IFT57: variants seen among roughly 807,000 people sequenced by gnomAD.
IFT57 encodes the protein intraflagellar transport protein 57 homolog.
Under a neutral mutation model 56.8 loss-of-function variants are expected in IFT57, and 59 were observed. The ratio of observed to expected loss-of-function variants is 1.04; its 90% CI spans 0.84 to 1.29. IFT57 has a LOEUF of 1.29. IFT57 is among the 50% of genes most tolerant of loss of function. The probability of loss-of-function intolerance (pLI) is 0.00; values close to 1 mark genes in which losing one functional copy is unlikely to be tolerated. For synonymous variants in IFT57, 209 were observed against 186.1 expected, an observed-to-expected ratio of 1.12 and a Z score of -1.00; for missense variants, 470 against 522.1, an observed-to-expected ratio of 0.90 and a Z score of 0.97.
At chr3:108,182,090 C>G (rs1331721975) in intron 6 of IFT57, among the ~76,000 whole-genome samples, 1 of 151,942 alleles carries the variant, frequency 6.6e-6, no homozygotes, top group Non-Finnish European at 1.5e-5. Context: ...TAACTAACAA[C>G]CAGAGTATAA....
chr3:108,214,704 G>A (rs2080361029), intron 3 of IFT57, among the ~76,000 whole-genome samples: 1 of 152,114 alleles, frequency 6.6e-6, no homozygotes, highest in African/African-American at 2.4e-5. Context: ...GCATGAAAGT[G>A]ATTGAATATC....
At chr3:108,194,438 C>T (rs561980165) in intron 5 of IFT57, among the ~76,000 whole-genome samples, 149 of 151,544 alleles carry the variant, frequency 9.8e-4, no homozygotes, top group African/African-American at 3.4e-3. Context: ...TCTACAGATG[C>T]AATCCCTATA....
chr3:108,222,278 AT>A lies in IFT57; in HGVS notation c.44del (p.Asp15ValfsTer29). ...CTTCGCCACGGGACCTAGGCACCCC[AT>A]CTTCCAAACCCGACGTCGTGACGAC... Reference protein sequence around the residue: ...LAVVTTSGLEDGVPRSRGEGT... With the variant: ...LAVVTTSGLEXGVPRSRGEGT... On this transcript the variant is annotated frameshift_variant, in exon 1 of 11. Coordinates refer to ENST00000264538, the MANE Select transcript of IFT57 (RefSeq NM_018010.4). LOFTEE classifies it high-confidence loss of function. The A allele has an allele frequency of 6.2e-7, 1 of 1,613,738 alleles. No homozygotes were observed. The highest frequency in any genetic ancestry group is 8.5e-7 in the Non-Finnish European group (1 of 1,179,950).
chr3:108,190,071 A>G (rs2080206911), intron 6 of IFT57, among the ~76,000 whole-genome samples: 1 of 152,168 alleles, frequency 6.6e-6, no homozygotes, highest in Non-Finnish European at 1.5e-5. Flanking sequence ...AACAGCAGGC[A>G]TACTGGTTGT....
chr3:108,209,844 C>T (rs1353177871), intron 4 of IFT57, among the ~76,000 whole-genome samples: 4 of 152,058 alleles, frequency 2.6e-5, no homozygotes, highest in Non-Finnish European at 5.9e-5. Context: ...GGGTCTCCGG[C>T]TTGATAGCTG....
intron 6 of IFT57, among the ~76,000 whole-genome samples, chr3:108,181,083 AAC>A (rs2080149073): frequency 6.6e-6 from 1 of 152,112 alleles, no homozygotes; most frequent in African/African-American, 2.4e-5. Context: ...CTAAAGCAAA[AAC>A]AGTCATTCTC....
chr3:108,165,585 C>A, intron 8 of IFT57, 92 bp from the exon 9 acceptor site: 2 of 895,726 alleles, frequency 2.2e-6, no homozygotes, highest in South Asian at 1.3e-5. Context: ...TTCTGCAGGT[C>A]ATTTTATGAC....
chr3:108,195,792 G>A (rs976813060), intron 5 of IFT57, among the ~76,000 whole-genome samples: 48 of 152,036 alleles, frequency 3.2e-4, no homozygotes, highest in African/African-American at 9.2e-4. Context: ...GAGGTAGAGA[G>A]TAGAATGATG....
At chr3:108,177,637 A>C (rs2108312542) in intron 6 of IFT57, among the ~76,000 whole-genome samples, 1 of 149,844 alleles carries the variant, frequency 6.7e-6, no homozygotes, top group East Asian at 2.0e-4. Flanking sequence ...TGAAGAAAAA[A>C]AAATTTGAAA....
intron 5 of IFT57, among the ~76,000 whole-genome samples, chr3:108,198,839 T>C (rs552190593): frequency 6.6e-6 from 1 of 152,342 alleles, no homozygotes; most frequent in South Asian, 2.1e-4. Flanking sequence ...CAGCCTTTTC[T>C]ACAAATGGAT....
intron 6 of IFT57, among the ~76,000 whole-genome samples, chr3:108,173,839 A>G (rs2080108958): frequency 6.9e-6 from 1 of 143,948 alleles, no homozygotes; most frequent in African/African-American, 2.6e-5. Flanking sequence ...ATACAGTAAT[A>G]TTAAACATTA....
intron 6 of IFT57, among the ~76,000 whole-genome samples, chr3:108,185,844 G>A (rs2080178832): frequency 6.6e-6 from 1 of 152,104 alleles, no homozygotes; most frequent in African/African-American, 2.4e-5. Flanking sequence ...AAAGGGCCTA[G>A]ACACTGAGAA....
chr3:108,210,960 C>T (rs1289772), intron 4 of IFT57, among the ~76,000 whole-genome samples: 1 of 151,976 alleles, frequency 6.6e-6, no homozygotes, highest in Non-Finnish European at 1.5e-5. Flanking sequence ...CACCCCCAAT[C>T]ATGGTGCCTT....
rs1204480844 is a variant in IFT57, at chr3:108,219,572, T to C, written c.213A>G (p.Arg71=). The change falls in exon 2 of 11, where the codon AGA becomes AGG. Residue 71 remains arginine (R), a splice_region_variant and synonymous_variant. Coordinates refer to ENST00000264538, the MANE Select transcript of IFT57 (RefSeq NM_018010.4). ...GGTTGGTAGGCAGTGCAAAATAGTG[T>C]CTGTTTCAAAACAAGGAGGAATGGG... ...LRKSNLKAPS[R]HYFALPTNPG... 1.9e-6 allele frequency: 3 copies of C among 1,613,100 alleles called. No individual in the cohort carries two copies. The highest frequency in any genetic ancestry group is 2.7e-5 in the African/African-American group (2 of 74,916).
rs948961179 is a variant in IFT57 at position 108,162,398 on chromosome 3, T to C, written c.*79A>G. Reference sequence around the variant, plus strand: ...AAAATACCCATTGAACATAAAATTATGTTTTGAAATCTATGCAACATGAAA... The same window carrying C: ...AAAATACCCATTGAACATAAAATTACGTTTTGAAATCTATGCAACATGAAA... On this transcript the variant is annotated 3_prime_UTR_variant, in exon 11 of 11. Coordinates refer to ENST00000264538, the MANE Select transcript of IFT57 (RefSeq NM_018010.4). 1.4e-5 allele frequency: 17 copies of C among 1,173,740 alleles called. No homozygotes were observed. The African/African-American group carries it at 2.5e-4, about 17-fold the overall frequency. The allele number at this position is 1,173,740 out of a possible 1,614,324, so 72.7% of individuals were successfully genotyped here.
At chr3:108,208,358 T>C (rs2080324674) in intron 4 of IFT57, among the ~76,000 whole-genome samples, 2 of 152,206 alleles carry the variant, frequency 1.3e-5, no homozygotes, top group South Asian at 4.1e-4. Flanking sequence ...TGTCAATGAC[T>C]CAATGCTCAT....
intron 4 of IFT57, among the ~76,000 whole-genome samples, chr3:108,213,171 C>T (rs1038879003): frequency 3.9e-5 from 6 of 152,022 alleles, no homozygotes; most frequent in African/African-American, 1.2e-4. Context: ...GGTAAGGCTT[C>T]AAGTCAACAG....
intron 5 of IFT57, among the ~76,000 whole-genome samples, chr3:108,203,486 T>C (rs879808443): frequency 3.3e-5 from 5 of 152,208 alleles, no homozygotes; most frequent in Middle Eastern, 3.2e-3. Context: ...GACTTCACTT[T>C]ATTTAATGAA....
chr3:108,176,922 C>T (rs1205983571), intron 6 of IFT57, among the ~76,000 whole-genome samples: 1 of 151,754 alleles, frequency 6.6e-6, no homozygotes, highest in Non-Finnish European at 1.5e-5. Context: ...TAAATCAACA[C>T]ATATAATTCC....
Sources: allele counts gnomAD v4.1 joint callset (sites outside exome capture counted in the v4.1 genomes callset), GRCh38; gene constraint gnomAD v4.1.1; transcripts MANE v1.5; gene names NCBI Gene and HGNC (gene_info 2026-07-23, HGNC 2026-07-21).